Variants in OSBPL1A observed in about 807,000 individuals in gnomAD.
The protein encoded by OSBPL1A is oxysterol-binding protein-related protein 1.
A neutral mutation model predicts 137.1 loss-of-function variants in OSBPL1A; 80 were observed. That is an observed-to-expected ratio of 0.58 (90% confidence interval 0.49 to 0.70). The LOEUF (loss-of-function observed/expected upper bound fraction) is 0.70. Among genes scored for constraint, OSBPL1A ranks in the 30% least tolerant of loss-of-function variants. The probability of loss-of-function intolerance (pLI) is 0.00; values close to 1 mark genes in which losing one functional copy is unlikely to be tolerated. For missense variants in OSBPL1A, 970 were observed against 1,129.4 expected (o/e 0.86, Z 2.02); for synonymous variants, 365 against 389.7 (o/e 0.94, Z 0.75).
At chr18:24,308,011 C>G (rs776703505) in intron 13 of OSBPL1A, among the ~76,000 whole-genome samples, 15 of 152,092 alleles carry the variant, frequency 9.9e-5, no homozygotes, top group African/African-American at 1.4e-4. Flanking sequence ...GTCTCGAACT[C>G]CTGGCCTCAT....
intron 15 of OSBPL1A, among the ~76,000 whole-genome samples, chr18:24,251,405 G>A (rs1039055549): frequency 1.3e-5 from 2 of 152,118 alleles, no homozygotes; most frequent in African/African-American, 4.8e-5. Flanking sequence ...GCCGAGCAAA[G>A]AGAGAGAGAG....
At chr18:24,377,820 A>G (rs1269532755) in intron 1 of OSBPL1A, among the ~76,000 whole-genome samples, 1 of 152,254 alleles carries the variant, frequency 6.6e-6, no homozygotes, top group East Asian at 1.9e-4. Context: ...TGTTTGTTGT[A>G]AGATTATGTA....
Position 24,189,994 on chromosome 18 carries a change from G to A in OSBPL1A, c.1677+6131C>T, listed in dbSNP as rs574305884. Reference sequence around the variant, plus strand: ...ACCTCAGTGCAACCAATGAGAAAACGTGGAGAAGAAGGTAAGAAAAGCTCT... The same window carrying A: ...ACCTCAGTGCAACCAATGAGAAAACATGGAGAAGAAGGTAAGAAAAGCTCT... On this transcript the variant is annotated intron_variant, in intron 18 of 27. Coordinates refer to ENST00000319481, the MANE Select transcript of OSBPL1A (RefSeq NM_080597.4). 3.3e-5 allele frequency among the ~76,000 whole-genome samples: 5 copies of A among 152,378 alleles called. No individual in the cohort carries two copies. The East Asian group carries it at 9.6e-4, about 29-fold the overall frequency.
chr18:24,305,316 C>CT (rs1433219319), intron 13 of OSBPL1A, among the ~76,000 whole-genome samples: 3 of 152,152 alleles, frequency 2.0e-5, no homozygotes, highest in Admixed American at 2.0e-4. Context: ...ATATTTCCAT[C>CT]TAACAGTTAT....
intron 16 of OSBPL1A, among the ~76,000 whole-genome samples, chr18:24,226,889 T>A (rs1306303089): frequency 2.5e-5 from 1 of 40,432 alleles, no homozygotes; most frequent in East Asian, 1.1e-3. Context: ...AGAAACAGAT[T>A]TTTTTTTTTT....
intron 14 of OSBPL1A, chr18:24,302,829 C>T (rs962407671): frequency 1.3e-5 from 2 of 152,148 alleles, no homozygotes; most frequent in African/African-American, 4.8e-5. Context: ...ATCATATATA[C>T]ATTTATAGAA....
At chr18:24,203,040 C>G (rs532247478) in intron 17 of OSBPL1A, among the ~76,000 whole-genome samples, 1 of 152,314 alleles carries the variant, frequency 6.6e-6, no homozygotes, top group East Asian at 1.9e-4. Flanking sequence ...TGCAACGGCG[C>G]AATCTTGGCT....
chr18:24,165,355 C>A (rs945501991), intron 26 of OSBPL1A, among the ~76,000 whole-genome samples, 200 bp from the exon 27 acceptor site: 1 of 152,186 alleles, frequency 6.6e-6, no homozygotes, highest in African/African-American at 2.4e-5. Flanking sequence ...GTATCACAGA[C>A]GCAGCATCTC....
In OSBPL1A at chr18:24,279,133, T is replaced by C. The variant is rs188010035; in HGVS notation, c.1281+1709A>G. Among the ~76,000 whole-genome samples the C allele has an allele frequency of 2.0e-3, 307 of 151,904 alleles. 1 individual carries two copies. Among genetic ancestry groups the C allele is most frequent in the African/African-American group, 7.3e-3 (301 of 41,446 alleles). On this transcript the variant is annotated intron_variant, in intron 15 of 27. Transcript: ENST00000319481. ...AACACAGCATTTAAAAATGTGTATA[T>C]GCTCGCCATGGAGGCTCGTGCCTGT...
At chr18:24,163,492 A>G (rs1003126972) in intron 27 of OSBPL1A, among the ~76,000 whole-genome samples, 4 of 152,204 alleles carry the variant, frequency 2.6e-5, no homozygotes, top group Non-Finnish European at 4.4e-5. Flanking sequence ...ATACCATGCA[A>G]AAGGCATATG....
rs987435341 is a variant in OSBPL1A, at chr18:24,328,229, T to A, written c.625+4713A>T. On this transcript the variant is annotated intron_variant, in intron 7 of 27. Coordinates refer to ENST00000319481, the MANE Select transcript of OSBPL1A (RefSeq NM_080597.4). ...GGCTAATTTTTTGTATTTTTTTTTT[T>A]TTTTTTTTTTTTTTTTTTAGTAGAG... Among the ~76,000 whole-genome samples, 3 of 115,520 alleles carry A rather than the reference T, an allele frequency of 2.6e-5. No homozygotes were observed. The South Asian group carries it at 9.3e-4, about 36-fold the overall frequency. The allele number at this position is 115,520 out of a possible 152,430, so 75.8% of individuals were successfully genotyped here.
At chr18:24,343,161 TG>T (rs1179537505) in intron 4 of OSBPL1A, among the ~76,000 whole-genome samples, 1 of 151,848 alleles carries the variant, frequency 6.6e-6, no homozygotes, top group Non-Finnish European at 1.5e-5. Flanking sequence ...CAATTAAAAA[TG>T]GGCAAAGACA....
intron 2 of OSBPL1A, among the ~76,000 whole-genome samples, chr18:24,376,860 G>A (rs547325207): frequency 8.9e-4 from 136 of 152,350 alleles, no homozygotes; most frequent in African/African-American, 3.1e-3. Flanking sequence ...GACAGGGCCG[G>A]CCGGCTGCTC....
chr18:24,349,100 G>T (rs975598365), intron 4 of OSBPL1A, among the ~76,000 whole-genome samples: 9 of 152,098 alleles, frequency 5.9e-5, no homozygotes, highest in African/African-American at 1.9e-4. Context: ...CCAGGAGGTC[G>T]AGGCTGCAAT....
At chr18:24,375,328 A>AG (rs1906022589) in intron 2 of OSBPL1A, among the ~76,000 whole-genome samples, 1 of 150,804 alleles carries the variant, frequency 6.6e-6, no homozygotes, top group Admixed American at 6.6e-5. Context: ...AAAAAAAAAA[A>AG]AAAAAAAAAA....
chr18:24,181,028 TA>T, intron 19 of OSBPL1A, 116 bp downstream of exon 19: 2 of 1,271,050 alleles, frequency 1.6e-6, no homozygotes, highest in Non-Finnish European at 2.1e-6. Context: ...TGAGCTTTGA[TA>T]AAATTGCCCA....
At chr18:24,375,708 T>TACTA (rs1906057861) in intron 2 of OSBPL1A, among the ~76,000 whole-genome samples, 1 of 152,236 alleles carries the variant, frequency 6.6e-6, no homozygotes, top group African/African-American at 2.4e-5. Context: ...TAGTCTGATC[T>TACTA]GTTAATCTAC....
intron 13 of OSBPL1A, among the ~76,000 whole-genome samples, chr18:24,305,291 A>G (rs1022186945): frequency 6.6e-6 from 1 of 152,332 alleles, no homozygotes; most frequent in Admixed American, 6.5e-5. Flanking sequence ...AATCACATTT[A>G]TCTTCCCTTG....
chr18:24,353,834 C>T (rs1456440376), intron 4 of OSBPL1A, among the ~76,000 whole-genome samples: 2 of 149,892 alleles, frequency 1.3e-5, no homozygotes, highest in South Asian at 2.1e-4. Flanking sequence ...AACCAAACAC[C>T]GCATGTTCTC....
Sources: allele counts gnomAD v4.1 joint callset (sites outside exome capture counted in the v4.1 genomes callset), GRCh38; gene constraint gnomAD v4.1.1; transcripts MANE v1.5; gene names NCBI Gene and HGNC (gene_info 2026-07-23, HGNC 2026-07-21).